SRGAP2: variants seen among roughly 807,000 people sequenced by gnomAD.
SRGAP2 encodes SLIT-ROBO Rho GTPase-activating protein 2.
Under a neutral mutation model 57.2 loss-of-function variants are expected in SRGAP2, and 15 were observed. The observed-to-expected ratio is 0.26, with a 90% CI of 0.18 to 0.40. The LOEUF is 0.40. Ranked by LOEUF, SRGAP2 falls within the 10% of genes least tolerant of loss-of-function variation. The pLI is 1.00. For synonymous variants in SRGAP2, 249 were observed against 248.0 expected (o/e 1.00, Z -0.04); for missense variants, 520 against 669.6 (o/e 0.78, Z 2.47).
chr1:206,294,689 T>C (rs1311950787), intron 2 of SRGAP2, among the ~76,000 whole-genome samples: 1 of 143,188 alleles, frequency 7.0e-6, no homozygotes, highest in East Asian at 2.0e-4. Flanking sequence ...TTTTGACCTC[T>C]CTACCATTCA....
At chr1:206,363,674 G>A (rs1677074337) in intron 4 of SRGAP2, among the ~76,000 whole-genome samples, 2 of 151,880 alleles carry the variant, frequency 1.3e-5, no homozygotes, top group African/African-American at 4.8e-5. Context: ...AAGAGTTCTG[G>A]TCAGTTATTT....
chr1:206,430,069 T>C, intron 13 of SRGAP2, 93 bp from the exon 14 acceptor site: 6 of 759,506 alleles, frequency 7.9e-6, no homozygotes, highest in Admixed American at 1.7e-5. Flanking sequence ...GGTGATCCGC[T>C]AAGACAGTTC....
At chr1:206,441,488 G>T (rs1553372060) in intron 17 of SRGAP2, among the ~76,000 whole-genome samples, 2 of 152,154 alleles carry the variant, frequency 1.3e-5, no homozygotes, top group South Asian at 4.1e-4. Context: ...AAGGACATGT[G>T]ATTCTTCCCC....
chr1:206,461,517 T>G lies in SRGAP2; in HGVS notation c.*97T>G. 1.5e-6 allele frequency: 1 copy of G among 664,900 alleles called. No individual in the cohort carries two copies. Among genetic ancestry groups the G allele is most frequent in the Non-Finnish European group, 2.8e-6 (1 of 362,518 alleles). 41.2% of individuals were successfully genotyped at this position (664,900 alleles called of 1,614,324 possible). ...CTAGCTTGGGGACTTCAGTTGAAAA[T>G]TAGGTTCTAAGTTGTTCTTGCAGGA... On this transcript the variant is annotated 3_prime_UTR_variant, in exon 23 of 23. Transcript: ENST00000573034.
chr1:206,453,960 A>AC (rs1663587200), intron 20 of SRGAP2: 4 of 577,848 alleles, frequency 6.9e-6, no homozygotes, highest in Non-Finnish European at 1.2e-5. Context: ...GGAAACCTGA[A>AC]CTGGTCCCAG....
chr1:206,410,416 A>C (rs1659113455), intron 10 of SRGAP2, among the ~76,000 whole-genome samples: 1 of 152,234 alleles, frequency 6.6e-6, no homozygotes, highest in Non-Finnish European at 1.5e-5. Flanking sequence ...CTTTTAAAAG[A>C]TGCAAAGATT....
At chr1:206,428,642 A>G (rs983954953) in intron 13 of SRGAP2, among the ~76,000 whole-genome samples, 4 of 151,930 alleles carry the variant, frequency 2.6e-5, no homozygotes, top group African/African-American at 9.7e-5. Context: ...AACCTCACTA[A>G]GCCTTCATTT....
Position 206,360,153 on chromosome 1 carries a change from A to G in SRGAP2, c.423+17145A>G, listed in dbSNP as rs547269239. Among the ~76,000 whole-genome samples the G allele has an allele frequency of 2.6e-5, 4 of 151,850 alleles. No homozygotes were observed. In the East Asian group the frequency reaches 7.7e-4, roughly 29 times the overall value. ...TGGTCAGAGACGGCTTCACTGATAA[A>G]TTGGCATTGGAACTGATTCTTGGAG... On this transcript the variant is annotated intron_variant, in intron 4 of 22. Transcript: ENST00000573034.
At chr1:206,410,289 G>T (rs181637459) in intron 10 of SRGAP2, among the ~76,000 whole-genome samples, 4 of 152,316 alleles carry the variant, frequency 2.6e-5, no homozygotes, top group Non-Finnish European at 4.4e-5. Context: ...CCTCAGTGGT[G>T]ACATGTTTCC....
chr1:206,267,113 C>T (rs1447514461), intron 2 of SRGAP2, among the ~76,000 whole-genome samples: 16 of 151,854 alleles, frequency 1.1e-4, no homozygotes, highest in South Asian at 2.1e-4. Context: ...GGACTACAGG[C>T]GCCCACCACC....
chr1:206,372,898 C>CCTTTCTTT lies in SRGAP2; in HGVS notation c.424-11063_424-11056dup, dbSNP rs1192198662. Among the ~76,000 whole-genome samples the CCTTTCTTT allele has an allele frequency of 1.6e-3, 44 of 26,736 alleles. 1 individual carries two copies. Among genetic ancestry groups the CCTTTCTTT allele is most frequent in the Non-Finnish European group, 2.5e-3 (37 of 14,768 alleles). 17.5% of individuals were successfully genotyped at this position (26,736 alleles called of 152,430 possible). On this transcript the variant is annotated intron_variant, in intron 4 of 22. Transcript: ENST00000573034. Reference sequence around the variant, plus strand: ...TAGATTCCTTTCTTTCTTTCTCTCTCCTTTCTTTCTTTCTTTCTTTCTTTC... The same window carrying CCTTTCTTT: ...TAGATTCCTTTCTTTCTTTCTCTCTCCTTTCTTTCTTTCTTTCTTTCTTTCTTTCTTTC...
chr1:206,441,921 C>T (rs1170057300), intron 17 of SRGAP2, among the ~76,000 whole-genome samples: 1 of 152,212 alleles, frequency 6.6e-6, no homozygotes, highest in Non-Finnish European at 1.5e-5. Flanking sequence ...AAATGTTTCT[C>T]TGGATCCATG....
chr1:206,342,419 TTAC>T (rs1184757932), intron 3 of SRGAP2, among the ~76,000 whole-genome samples: 2 of 151,056 alleles, frequency 1.3e-5, no homozygotes, highest in Non-Finnish European at 3.0e-5. Flanking sequence ...TGGCGCCCTC[TTAC>T]TTGTTGTGTT....
chr1:206,377,447 T>C (rs1655312520), intron 4 of SRGAP2, among the ~76,000 whole-genome samples: 1 of 150,604 alleles, frequency 6.6e-6, no homozygotes, highest in African/African-American at 2.5e-5. Context: ...AGAAAAAGAA[T>C]TTACTATGTA....
intron 2 of SRGAP2, among the ~76,000 whole-genome samples, chr1:206,241,911 CGTGT>C (rs781785493): frequency 0.043 from 4,522 of 104,260 alleles, 321 homozygotes; most frequent in African/African-American, 0.1. Context: ...GAGGTGTTTG[CGTGT>C]GTGTGTGTGT....
chr1:206,253,895 A>C (rs1449952769), intron 2 of SRGAP2, among the ~76,000 whole-genome samples: 1 of 148,550 alleles, frequency 6.7e-6, no homozygotes, highest in African/African-American at 2.5e-5. Context: ...TTCAAGAGCA[A>C]GCCCTTTTGT....
rs200828578 is a variant in SRGAP2, at chr1:206,461,195, C to T, written c.2991C>T (p.His997=). ...CGTCAGAGCCCTCCAGCCCTCTGCA[C>T]ACCCAGCTCCTCAAGGACCCCGAGC... ...APTSEPSSPL[H]TQLLKDPEPA... Residue 997 remains histidine (H), a synonymous_variant, in exon 23 of 23, where the codon CAC becomes CAT. Transcript: ENST00000573034. 128 of 780,498 alleles carry T rather than the reference C, an allele frequency of 1.6e-4. No homozygotes were observed. Among genetic ancestry groups the T allele is most frequent in the Non-Finnish European group, 2.6e-4 (110 of 417,844 alleles). The allele number at this position is 780,498 out of a possible 1,614,324, so 48.3% of individuals were successfully genotyped here.
At chr1:206,272,907 T>C (rs1218070529) in intron 2 of SRGAP2, among the ~76,000 whole-genome samples, 1 of 152,232 alleles carries the variant, frequency 6.6e-6, no homozygotes, top group Non-Finnish European at 1.5e-5. Flanking sequence ...TTCAGGATAG[T>C]GCTCTGCTGA....
chr1:206,326,086 G>A (rs368778444), intron 3 of SRGAP2, among the ~76,000 whole-genome samples: 5,214 of 146,882 alleles, frequency 0.035, 129 homozygotes, highest in Non-Finnish European at 0.053. Context: ...GAATCTTCTC[G>A]TTACAGGATG....
Sources: allele counts gnomAD v4.1 joint callset (sites outside exome capture counted in the v4.1 genomes callset), GRCh38; gene constraint gnomAD v4.1.1; transcripts MANE v1.5; gene names NCBI Gene and HGNC (gene_info 2026-07-23, HGNC 2026-07-21).